Variants in ANP32A observed in about 807,000 individuals in gnomAD.
ANP32A encodes acidic leucine-rich nuclear phosphoprotein 32 family member A.
Under a neutral mutation model 33.9 loss-of-function variants are expected in ANP32A, and 1 was observed. The observed-to-expected ratio is 0.03, with a 90% confidence interval of 0.01 to 0.14. The LOEUF (loss-of-function observed/expected upper bound fraction) is 0.14, where lower values mean the gene tolerates loss of function less well. ANP32A is among the 10% of genes least tolerant of loss of function. ANP32A has a pLI of 1.00. For missense variants in ANP32A, 155 were observed against 306.0 expected (o/e 0.51, Z 3.68); for synonymous variants, 115 against 120.5 (o/e 0.95, Z 0.30).
At chr15:68,813,774 T>C (rs1024160603) in intron 1 of ANP32A, among the ~76,000 whole-genome samples, 7 of 151,610 alleles carry the variant, frequency 4.6e-5, no homozygotes, top group African/African-American at 1.5e-4. Flanking sequence ...CAGGGCCCAA[T>C]CACCAACAAG....
At chr15:68,787,725 T>TCCC in intron 2 of ANP32A, 45 bp downstream of exon 2, 2 of 1,597,682 alleles carry the variant, frequency 1.3e-6, no homozygotes, top group Non-Finnish European at 1.7e-6. Context: ...CCCTTCCCAC[T>TCCC]CCCCACCCCC....
At chr15:68,814,683 G>A (rs1436502059) in intron 1 of ANP32A, among the ~76,000 whole-genome samples, 1 of 152,178 alleles carries the variant, frequency 6.6e-6, no homozygotes, top group Non-Finnish European at 1.5e-5. Context: ...GGCACAAGAC[G>A]CTAGAGGGAA....
At chr15:68,787,179 T>C in intron 3 of ANP32A, 1 of 548,192 alleles carries the variant, frequency 1.8e-6, no homozygotes, top group East Asian at 3.3e-5. Context: ...GGTTCTACGC[T>C]ACCCGTACAA....
At chr15:68,805,300 C>T (rs538114928) in intron 1 of ANP32A, among the ~76,000 whole-genome samples, 1 of 152,246 alleles carries the variant, frequency 6.6e-6, no homozygotes, top group Non-Finnish European at 1.5e-5. Context: ...GCGGTGTCTC[C>T]GCCTAGGCAG....
intron 1 of ANP32A, among the ~76,000 whole-genome samples, chr15:68,811,577 C>CT (rs1491164179): frequency 6.6e-6 from 1 of 152,180 alleles, no homozygotes; most frequent in Non-Finnish European, 1.5e-5. Context: ...GGACGAGTCA[C>CT]TTACCCTCAG....
chr15:68,786,931 G>A (rs1408292502), intron 3 of ANP32A, among the ~76,000 whole-genome samples: 2 of 152,126 alleles, frequency 1.3e-5, no homozygotes, highest in African/African-American at 2.4e-5. Context: ...CACACCACAC[G>A]GCTCTCAGTC....
At chr15:68,802,877 C>T (rs1283810065) in intron 1 of ANP32A, among the ~76,000 whole-genome samples, 7 of 152,152 alleles carry the variant, frequency 4.6e-5, no homozygotes, top group Non-Finnish European at 8.8e-5. Context: ...TGGTCTCGAA[C>T]TCCTGACCTC....
chr15:68,809,733 C>T (rs888529360), intron 1 of ANP32A, among the ~76,000 whole-genome samples: 3 of 151,670 alleles, frequency 2.0e-5, no homozygotes, highest in African/African-American at 4.8e-5. Context: ...TCAGTGGCTT[C>T]GTGCTTGATG....
chr15:68,781,231 C>A (rs1156627007), intron 5 of ANP32A: 1 of 152,094 alleles, frequency 6.6e-6, no homozygotes, highest in Non-Finnish European at 1.5e-5. Flanking sequence ...TAAAATGTCA[C>A]CAAAGAGTTC....
intron 1 of ANP32A, among the ~76,000 whole-genome samples, chr15:68,794,334 C>T (rs147623132): frequency 6.6e-5 from 10 of 152,282 alleles, no homozygotes; most frequent in East Asian, 3.9e-4. Context: ...TGCTTAAAAC[C>T]GACCCCTTTG....
At position 68,787,833 on chromosome 15, in the gene ANP32A, T is replaced by C. The variant is rs1242160916; in HGVS notation, c.141A>G (p.Leu47=). The C allele has an allele frequency of 1.2e-6, 2 of 1,614,212 alleles. No homozygotes were observed. Among genetic ancestry groups the C allele is most frequent in the Admixed American group, 3.3e-5 (2 of 60,032 alleles). Residue 47 remains leucine, a synonymous_variant, in exon 2 of 7, where the codon TTA becomes TTG. Coordinates refer to ENST00000465139, the MANE Select transcript of ANP32A (RefSeq NM_006305.4). The part of the protein sequence containing the change: ...LTDEFEELEF[L]STINVGLTSI... ...AGGTGAGGCCTACGTTGATTGTACT[T>C]AAGAATTCCAGTTCTTCAAATTCAT... is the stretch of plus-strand genomic sequence containing the variant.
In ANP32A at chr15:68,801,516, C is replaced by A. The variant is rs563051359; in HGVS notation, c.55-13597G>T. Reference sequence around the variant, plus strand: ...CCAATCCCACCTGTCTCCATGGGACCCAATGAGATCATGGGTAAGCCAGGC... The same window carrying A: ...CCAATCCCACCTGTCTCCATGGGACACAATGAGATCATGGGTAAGCCAGGC... On this transcript the variant is annotated intron_variant, in intron 1 of 6. Transcript: ENST00000465139. Among the ~76,000 whole-genome samples the A allele has an allele frequency of 2.4e-4, 37 of 151,974 alleles. No individual in the cohort carries two copies. In the East Asian group the frequency reaches 6.4e-3, roughly 26 times the overall value.
At chr15:68,801,220 A>AAG (rs55893811) in intron 1 of ANP32A, among the ~76,000 whole-genome samples, 41,831 of 132,042 alleles carry the variant, frequency 0.32, 6,176 homozygotes, top group Middle Eastern at 0.5. Context: ...GAAGAAGAAG[A>AAG]AAAAAAAAAA....
chr15:68,807,431 G>GGC (rs1555424029), intron 1 of ANP32A, among the ~76,000 whole-genome samples: 1 of 141,738 alleles, frequency 7.1e-6, no homozygotes, highest in Admixed American at 6.8e-5. Context: ...AGAAAACGGG[G>GGC]GGGGGGGAGT....
intron 1 of ANP32A, among the ~76,000 whole-genome samples, chr15:68,800,086 G>A (rs1355390941): frequency 2.0e-5 from 3 of 152,064 alleles, no homozygotes; most frequent in Non-Finnish European, 4.4e-5. Flanking sequence ...TTAAGTGACC[G>A]TGGGCAAAGA....
intron 5 of ANP32A, chr15:68,781,607 C>A (rs77209435): frequency 1.4e-5 from 2 of 141,420 alleles, no homozygotes; most frequent in Non-Finnish European, 3.1e-5. Context: ...ATCTGGCCAG[C>A]TTTTTTTTTT....
chr15:68,793,002 A>G (rs546749610), intron 1 of ANP32A, among the ~76,000 whole-genome samples: 6 of 152,076 alleles, frequency 3.9e-5, no homozygotes, highest in South Asian at 2.1e-4. Context: ...AGCACCCCCA[A>G]TCTCTCACTC....
intron 1 of ANP32A, among the ~76,000 whole-genome samples, chr15:68,804,567 T>A (rs1894187736): frequency 6.6e-6 from 1 of 152,254 alleles, no homozygotes; most frequent in Admixed American, 6.5e-5. Context: ...TGAGTCTCGC[T>A]CTGTGGCCAG....
Position 68,780,718 on chromosome 15 carries a change from T to C in ANP32A, c.625-245A>G, listed in dbSNP as rs765572982. The C allele has an allele frequency of 1.9e-6, 1 of 522,756 alleles. No individual in the cohort carries two copies. Among genetic ancestry groups the C allele is most frequent in the African/African-American group, 1.9e-5 (1 of 51,690 alleles). The allele number at this position is 522,756 out of a possible 1,614,324, so 32.4% of individuals were successfully genotyped here. On this transcript the variant is annotated intron_variant, in intron 5 of 6. Transcript: ENST00000465139. This position sits in a 1 kb window ranked among gnomAD's most constrained non-coding sequence, Gnocchi z 4.3. ...AAAATGTCCGTATCATTTATAATAT[T>C]TGCAAGCAGTTTCAGGGGGTTATGG... is the stretch of plus-strand genomic sequence containing the variant.
Sources: gnomAD v4.1 joint callset for allele counts (sites outside exome capture counted in the v4.1 genomes callset) on GRCh38, gnomAD v4.1.1 for gene constraint, Gnocchi (gnomAD v3.1) non-coding constraint, MANE v1.5 for transcripts, NCBI Gene and HGNC (gene_info 2026-07-23, HGNC 2026-07-21) for gene names.